MAST4: variants seen among roughly 807,000 people sequenced by gnomAD.
The protein encoded by MAST4 is microtubule-associated serine/threonine-protein kinase 4.
Under a neutral mutation model 162.7 loss-of-function variants are expected in MAST4, and 89 were observed. That is an observed-to-expected ratio of 0.55 (90% CI 0.46 to 0.65). The LOEUF is 0.65. Among genes scored for constraint, MAST4 ranks in the 30% least tolerant of loss-of-function variants. The pLI is 0.00. For synonymous variants in MAST4, 1,479 were observed against 1,361.1 expected, an observed-to-expected ratio of 1.09 and a Z score of -1.91; for missense variants, 3,153 against 3,374.0, an observed-to-expected ratio of 0.93 and a Z score of 1.62.
chr5:66,868,543 T>A (rs930293279), intron 3 of MAST4, among the ~76,000 whole-genome samples: 2 of 149,482 alleles, frequency 1.3e-5, no homozygotes, highest in African/African-American at 4.9e-5. Flanking sequence ...TCATTGAAAA[T>A]TAAGGTTAGT....
intron 2 of MAST4, chr5:66,783,239 C>T (rs905688239): frequency 6.6e-6 from 1 of 152,124 alleles, no homozygotes; most frequent in East Asian, 1.9e-4. Flanking sequence ...TATTTCTGCT[C>T]ACTTTATAAT....
At chr5:66,849,612 T>C (rs1759154710) in intron 3 of MAST4, among the ~76,000 whole-genome samples, 1 of 152,156 alleles carries the variant, frequency 6.6e-6, no homozygotes, top group Non-Finnish European at 1.5e-5. Context: ...CAGACCACCA[T>C]CACCTAGCCG....
intron 4 of MAST4, among the ~76,000 whole-genome samples, chr5:66,988,635 A>G (rs573204760): frequency 6.6e-6 from 1 of 152,370 alleles, no homozygotes; most frequent in East Asian, 1.9e-4. Flanking sequence ...TCACAGAACT[A>G]GAAACTACTG....
chr5:67,065,755 T>C (rs1366127995), intron 5 of MAST4, among the ~76,000 whole-genome samples: 1 of 152,258 alleles, frequency 6.6e-6, no homozygotes, highest in African/African-American at 2.4e-5. Context: ...CATTCTGGCA[T>C]AATTGTAGTT....
chr5:66,922,061 C>T (rs886566928), intron 4 of MAST4, among the ~76,000 whole-genome samples: 5 of 152,166 alleles, frequency 3.3e-5, no homozygotes, highest in African/African-American at 4.8e-5. Context: ...ATTACTGACA[C>T]AACAGATTCA....
chr5:66,757,895 A>T (rs1008504473), intron 1 of MAST4, among the ~76,000 whole-genome samples: 6 of 152,194 alleles, frequency 3.9e-5, no homozygotes, highest in Non-Finnish European at 8.8e-5. Context: ...ACATTCTTTA[A>T]TGATCTGACT....
At chr5:66,803,158 A>G (rs1393922799) in intron 3 of MAST4, among the ~76,000 whole-genome samples, 1 of 152,192 alleles carries the variant, frequency 6.6e-6, no homozygotes, top group African/African-American at 2.4e-5. Flanking sequence ...ATTGAAGGAC[A>G]TAATTCATAT....
intron 4 of MAST4, among the ~76,000 whole-genome samples, chr5:66,957,267 G>T (rs1745429884): frequency 6.6e-6 from 1 of 152,050 alleles, no homozygotes. Flanking sequence ...ATCTGGCTGT[G>T]ACACCCATGC....
intron 3 of MAST4, among the ~76,000 whole-genome samples, chr5:66,893,445 C>T (rs778012980): frequency 8.6e-5 from 13 of 151,478 alleles, no homozygotes; most frequent in Non-Finnish European, 1.9e-4. Flanking sequence ...CCAGGCTGGT[C>T]TCGAACTCCT....
intron 1 of MAST4, among the ~76,000 whole-genome samples, chr5:66,643,941 G>A (rs1255075627): frequency 6.9e-6 from 1 of 145,976 alleles, no homozygotes; most frequent in Non-Finnish European, 1.5e-5. Flanking sequence ...AGTATAAAAT[G>A]AATTTTGATC....
intron 24 of MAST4, among the ~76,000 whole-genome samples, chr5:67,152,273 AT>A (rs1337063247): frequency 2.0e-5 from 3 of 152,196 alleles, no homozygotes; most frequent in Non-Finnish European, 4.4e-5. Flanking sequence ...TCTATGATTT[AT>A]TTCTTTACTT....
chr5:66,757,015 G>T (rs1753581349), intron 1 of MAST4, among the ~76,000 whole-genome samples: 1 of 151,820 alleles, frequency 6.6e-6, no homozygotes, highest in Non-Finnish European at 1.5e-5. Context: ...GATGAATTAG[G>T]TTTTTTTTCT....
chr5:66,975,017 G>C (rs1246602787), intron 4 of MAST4, among the ~76,000 whole-genome samples: 1 of 152,154 alleles, frequency 6.6e-6, no homozygotes, highest in East Asian at 1.9e-4. Context: ...CTTTGCAGAT[G>C]TGATTAATTT....
intron 14 of MAST4, among the ~76,000 whole-genome samples, chr5:67,122,841 C>A (rs1414471233): frequency 6.6e-6 from 1 of 152,124 alleles, no homozygotes; most frequent in Non-Finnish European, 1.5e-5. Context: ...TGGGAATATA[C>A]AAGAAGTTAA....
At chr5:67,130,171 TCTC>T (rs1472103884) in intron 14 of MAST4, 36 bp from the exon 15 acceptor site, 1 of 1,561,564 alleles carries the variant, frequency 6.4e-7, no homozygotes, top group Admixed American at 1.9e-5. Flanking sequence ...CCTTACTTTC[TCTC>T]CTCCTGTCAA....
At chr5:67,078,936 A>ATATATATG (rs1762254237) in intron 5 of MAST4, among the ~76,000 whole-genome samples, 2 of 101,356 alleles carry the variant, frequency 2.0e-5, no homozygotes, top group East Asian at 4.7e-4. Flanking sequence ...ATATATATAT[A>ATATATATG]TATATATATA....
intron 1 of MAST4, among the ~76,000 whole-genome samples, chr5:66,734,606 T>A (rs1414736232): frequency 6.6e-6 from 1 of 152,270 alleles, no homozygotes; most frequent in Non-Finnish European, 1.5e-5. Context: ...TATAGAGTAT[T>A]GCTGTCCAAT....
At chr5:66,808,617 T>C (rs898766526) in intron 3 of MAST4, among the ~76,000 whole-genome samples, 12 of 152,192 alleles carry the variant, frequency 7.9e-5, no homozygotes, top group African/African-American at 2.9e-4. Context: ...TGTCTCTGTG[T>C]CCTCTCCCAT....
intron 5 of MAST4, among the ~76,000 whole-genome samples, chr5:67,085,078 G>C (rs1763088973): frequency 6.6e-6 from 1 of 152,084 alleles, no homozygotes; most frequent in Admixed American, 6.5e-5. Context: ...ACTAAAGCTT[G>C]CCCAGGTGTT....
Sources: gnomAD v4.1 joint callset for allele counts (sites outside exome capture counted in the v4.1 genomes callset) on GRCh38, gnomAD v4.1.1 for gene constraint, MANE v1.5 for transcripts, NCBI Gene and HGNC (gene_info 2026-07-23, HGNC 2026-07-21) for gene names.